Variants in TAF3 observed in about 807,000 individuals in gnomAD.
The protein encoded by TAF3 is transcription initiation factor TFIID subunit 3.
Under a neutral mutation model 80.6 loss-of-function variants are expected in TAF3, and 7 were observed. The observed-to-expected ratio is 0.09, with a 90% CI of 0.05 to 0.16. The LOEUF (loss-of-function observed/expected upper bound fraction) is 0.16. Ranked by LOEUF, TAF3 falls within the 10% of genes least tolerant of loss-of-function variation. TAF3 has a pLI of 1.00. For missense variants in TAF3, 921 were observed against 1,140.2 expected (o/e 0.81, Z 2.77); for synonymous variants, 444 against 446.1 (o/e 1.00, Z 0.06).
rs1053463383 is a variant in TAF3 at position 8,016,301 on chromosome 10, G to T, written c.*1550G>T. The T allele has an allele frequency of 6.6e-6, 1 of 152,122 alleles. No homozygotes were observed. The highest frequency in any genetic ancestry group is 2.4e-5 in the African/African-American group (1 of 41,424). The allele number at this position is 152,122 out of a possible 1,614,324, so 9.4% of individuals were successfully genotyped here. ...AAATGCCAAGTAAATTGATATTAGT[G>T]TATGAATTAGTCATATTTTAAAACA... is the stretch of plus-strand genomic sequence containing the variant. On this transcript the variant is annotated 3_prime_UTR_variant, in exon 7 of 7. Transcript: ENST00000344293.
intron 1 of TAF3, among the ~76,000 whole-genome samples, 163 bp from the exon 2 acceptor site, chr10:7,824,155 A>G (rs574138484): frequency 1.3e-5 from 2 of 152,188 alleles, no homozygotes; most frequent in Non-Finnish European, 2.9e-5. Context: ...CAGCTTAAAC[A>G]TGATTCTGTG....
At chr10:7,826,608 A>G (rs1333466990) in intron 2 of TAF3, among the ~76,000 whole-genome samples, 1 of 152,210 alleles carries the variant, frequency 6.6e-6, no homozygotes, top group African/African-American at 2.4e-5. Context: ...GAAAATAACA[A>G]ATCTTGAGAA....
intron 2 of TAF3, among the ~76,000 whole-genome samples, chr10:7,873,617 T>TTCC (rs1181597981): frequency 7.5e-5 from 7 of 92,874 alleles, no homozygotes; most frequent in African/African-American, 3.3e-4. Context: ...ATCCGAGTTC[T>TTCC]CCCCCCCCCC....
At chr10:7,855,235 T>C (rs1837066754) in intron 2 of TAF3, among the ~76,000 whole-genome samples, 2 of 152,132 alleles carry the variant, frequency 1.3e-5, no homozygotes, top group Admixed American at 6.5e-5. Flanking sequence ...AGAGAAATGG[T>C]TGAAAATCTG....
chr10:8,005,217 CTT>C (rs1831980309), intron 4 of TAF3, among the ~76,000 whole-genome samples: 2 of 152,148 alleles, frequency 1.3e-5, no homozygotes, highest in African/African-American at 4.8e-5. Flanking sequence ...TATCTGTGGT[CTT>C]TGTCTCTTCA....
chr10:7,921,362 T>C (rs1428748855), intron 2 of TAF3, among the ~76,000 whole-genome samples: 1 of 152,164 alleles, frequency 6.6e-6, no homozygotes, highest in Non-Finnish European at 1.5e-5. Context: ...TTTTTAGTCA[T>C]CTATTACTTA....
At chr10:7,908,240 G>A (rs1319105799) in intron 2 of TAF3, among the ~76,000 whole-genome samples, 1 of 152,188 alleles carries the variant, frequency 6.6e-6, no homozygotes, top group African/African-American at 2.4e-5. Flanking sequence ...AGAGGGCCTA[G>A]TGGTGGGGAT....
Position 8,014,825 on chromosome 10 carries a change from C to T in TAF3, c.*74C>T. 3 of 1,345,156 alleles carry T rather than the reference C, an allele frequency of 2.2e-6. No homozygotes were observed. The highest frequency in any genetic ancestry group is 1.4e-5 in the South Asian group (1 of 72,950). The allele number at this position is 1,345,156 out of a possible 1,614,324, so 83.3% of individuals were successfully genotyped here. A position where few individuals can be genotyped will look rare whatever the true frequency, so the allele number is the denominator to read the frequency against. ...TGGCGCCTCTGGAAGGGAGCTGGTG[C>T]AAGTCTGCCGTCACATCCACCCCCA... On this transcript the variant is annotated 3_prime_UTR_variant, in exon 7 of 7. Coordinates refer to ENST00000344293, the MANE Select transcript of TAF3 (RefSeq NM_031923.4).
At chr10:8,001,039 A>T (rs1204190047) in intron 4 of TAF3, among the ~76,000 whole-genome samples, 1 of 152,116 alleles carries the variant, frequency 6.6e-6, no homozygotes, top group Non-Finnish European at 1.5e-5. Context: ...CCGATCTCCT[A>T]TTCTAGGGTA....
chr10:7,991,816 G>A (rs1166045533), intron 4 of TAF3, among the ~76,000 whole-genome samples: 1 of 152,168 alleles, frequency 6.6e-6, no homozygotes, highest in African/African-American at 2.4e-5. Context: ...ATATTTTGAA[G>A]TGGTAATGTT....
At chr10:7,894,089 C>T (rs1056990560) in intron 2 of TAF3, among the ~76,000 whole-genome samples, 2 of 152,076 alleles carry the variant, frequency 1.3e-5, no homozygotes, top group South Asian at 2.1e-4. Context: ...TTTTTCTTTT[C>T]GCCTTTTATA....
At chr10:7,934,681 G>A (rs1359555026) in intron 2 of TAF3, among the ~76,000 whole-genome samples, 1 of 152,138 alleles carries the variant, frequency 6.6e-6, no homozygotes, top group African/African-American at 2.4e-5. Flanking sequence ...CTGACCTCAA[G>A]TGATCCACCT....
intron 3 of TAF3, among the ~76,000 whole-genome samples, chr10:7,969,942 CA>C: frequency 6.6e-6 from 1 of 152,338 alleles, no homozygotes; most frequent in Non-Finnish European, 1.5e-5. Context: ...GAAGAGACAG[CA>C]GCATTCTAAA....
chr10:7,976,589 T>C (rs889415348), intron 3 of TAF3, among the ~76,000 whole-genome samples: 1 of 152,044 alleles, frequency 6.6e-6, no homozygotes, highest in African/African-American at 2.4e-5. Context: ...TAATTTTTTG[T>C]ATTTTTAGTT....
intron 2 of TAF3, among the ~76,000 whole-genome samples, chr10:7,891,044 G>A (rs1837453366): frequency 6.6e-6 from 1 of 152,232 alleles, no homozygotes; most frequent in Admixed American, 6.5e-5. Flanking sequence ...CCCGCCCTTT[G>A]CATGTCTGCA....
intron 2 of TAF3, among the ~76,000 whole-genome samples, chr10:7,957,156 A>T (rs1033261343): frequency 2.6e-5 from 4 of 152,208 alleles, no homozygotes; most frequent in African/African-American, 9.6e-5. Flanking sequence ...AATAATCCTT[A>T]CTATGCCTTT....
intron 2 of TAF3, among the ~76,000 whole-genome samples, chr10:7,873,172 G>A (rs1411249394): frequency 2.6e-5 from 4 of 151,882 alleles, no homozygotes; most frequent in Non-Finnish European, 4.4e-5. Context: ...GAATCTTAGG[G>A]TTTTTAAATC....
intron 3 of TAF3, among the ~76,000 whole-genome samples, chr10:7,977,022 C>T (rs1294647378): frequency 6.6e-6 from 1 of 151,972 alleles, no homozygotes; most frequent in Non-Finnish European, 1.5e-5. Context: ...AAATAACTAC[C>T]ATATTTATAT....
In TAF3 at chr10:7,987,017, A is replaced by G. The variant is rs1486244138; in HGVS notation, c.2315+9694A>G. The stretch of plus-strand genomic sequence containing the variant: ...CTGACTGTGCCGTGTGTATTTCAGC[A>G]ATTTTTATAAAAACAAATTAGGGGC... On this transcript the variant is annotated intron_variant, in intron 4 of 6. Coordinates refer to ENST00000344293, the MANE Select transcript of TAF3 (RefSeq NM_031923.4). 2.6e-5 allele frequency among the ~76,000 whole-genome samples: 4 copies of G among 152,260 alleles called. No individual in the cohort carries two copies. In the East Asian group the frequency reaches 5.8e-4, roughly 22 times the overall value.
Sources: gnomAD v4.1 joint callset for allele counts (sites outside exome capture counted in the v4.1 genomes callset) on GRCh38, gnomAD v4.1.1 for gene constraint, MANE v1.5 for transcripts, NCBI Gene and HGNC (gene_info 2026-07-23, HGNC 2026-07-21) for gene names.